The following STK32C variants were observed in gnomAD, a reference collection of about 807,000 sequenced individuals.
STK32C encodes serine/threonine kinase 32C.
STK32C carries 31 observed loss-of-function variants against 56.5 expected under a neutral mutation model. The ratio of observed to expected loss-of-function variants is 0.55; its 90% CI spans 0.41 to 0.74. The LOEUF (loss-of-function observed/expected upper bound fraction) is 0.74, where lower values mean the gene tolerates loss of function less well. Ranked by LOEUF, STK32C falls within the 30% of genes least tolerant of loss-of-function variation. STK32C has a pLI of 0.00. For missense variants in STK32C, 544 were observed against 676.9 expected (o/e 0.80, Z 2.18); for synonymous variants, 309 against 289.4 (o/e 1.07, Z -0.69).
intron 3 of STK32C, among the ~76,000 whole-genome samples, chr10:132,227,648 G>C (rs2062941486): frequency 6.7e-6 from 1 of 150,364 alleles, no homozygotes; most frequent in South Asian, 2.1e-4. Flanking sequence ...ACAGTGGTGA[G>C]TTTTTCAGTC....
At position 132,225,521 on chromosome 10, in the gene STK32C, G is replaced by A. The variant is rs202230396; in HGVS notation, c.772+6C>T. On this transcript the variant is annotated splice_donor_region_variant and intron_variant, in intron 6 of 11. Transcript: ENST00000298630. Reference sequence around the variant, plus strand: ...GCTCCCATCTGGAACCCCAGCTCGGGCTCACCCATGTACGGCTTGGTGCCT... The same window carrying A: ...GCTCCCATCTGGAACCCCAGCTCGGACTCACCCATGTACGGCTTGGTGCCT... 1.1e-5 allele frequency: 17 copies of A among 1,613,776 alleles called. No individual in the cohort carries two copies. The Admixed American group carries it at 2.0e-4, about 19-fold the overall frequency.
chr10:132,290,194 C>T (rs982369019), intron 1 of STK32C, among the ~76,000 whole-genome samples: 1 of 152,210 alleles, frequency 6.6e-6, no homozygotes, highest in Admixed American at 6.5e-5. Flanking sequence ...TGGGCCATGC[C>T]TCCCCGCTGG....
intron 1 of STK32C, among the ~76,000 whole-genome samples, chr10:132,275,333 A>G (rs1169009936): frequency 1.3e-5 from 2 of 152,176 alleles, no homozygotes; most frequent in African/African-American, 4.8e-5. Flanking sequence ...CAACAGTAGC[A>G]AGGCTGGCAG....
In STK32C at chr10:132,280,977, A is replaced by ATGATCACGCCCCTGCACTCCG. The variant is rs1417305830; in HGVS notation, c.262+26574_262+26594dup. Among the ~76,000 whole-genome samples, 220 of 97,318 alleles carry ATGATCACGCCCCTGCACTCCG rather than the reference A, an allele frequency of 2.3e-3. 1 individual carries two copies. The highest frequency in any genetic ancestry group is 8.3e-3 in the African/African-American group (203 of 24,316). The allele number at this position is 97,318 out of a possible 152,430, so 63.8% of individuals were successfully genotyped here. ...CTGACTACGCTGAGGCCTCCATTCCATGATCACGCCCCTGCACTCCGTGAT... is the reference window on the plus strand; with the variant it reads ...CTGACTACGCTGAGGCCTCCATTCCATGATCACGCCCCTGCACTCCGTGATCACGCCCCTGCACTCCGTGAT... On this transcript the variant is annotated intron_variant, in intron 1 of 11. Transcript: ENST00000298630.
chr10:132,269,569 A>G (rs11146295), intron 1 of STK32C, among the ~76,000 whole-genome samples: 31,997 of 152,218 alleles, frequency 0.21, 4,154 homozygotes, highest in Non-Finnish European at 0.31. Flanking sequence ...CTGCTGATGG[A>G]TTGATTTTCC....
chr10:132,332,139 T>G, upstream of STK32C: 1 of 172,598 alleles, frequency 5.8e-6, no homozygotes, highest in Non-Finnish European at 1.2e-5. Flanking sequence ...GCGTGGCGCC[T>G]GCGGGATTCC....
chr10:132,251,466 C>T (rs2063902421), intron 1 of STK32C, among the ~76,000 whole-genome samples: 1 of 152,176 alleles, frequency 6.6e-6, no homozygotes, highest in Non-Finnish European at 1.5e-5. Context: ...ATACACAGAG[C>T]CTACTGTGAA....
intron 1 of STK32C, among the ~76,000 whole-genome samples, chr10:132,282,345 G>A (rs1590382653): frequency 6.6e-6 from 1 of 152,250 alleles, no homozygotes; most frequent in Non-Finnish European, 1.5e-5. Context: ...AGTCCTCTCT[G>A]AGACAGCTCC....
chr10:132,248,012 G>A (rs1285076183), intron 1 of STK32C, among the ~76,000 whole-genome samples: 4 of 152,164 alleles, frequency 2.6e-5, no homozygotes, highest in South Asian at 4.1e-4. Flanking sequence ...CAGCCTCCAC[G>A]AGCCCCCGTT....
intron 6 of STK32C, 35 bp from the exon 7 acceptor site, chr10:132,225,371 G>T: frequency 6.3e-7 from 1 of 1,594,252 alleles, no homozygotes. Context: ...CAGCTGCCAC[G>T]GGGTCACAGC....
At chr10:132,267,335 G>T (rs1337120076) in intron 1 of STK32C, among the ~76,000 whole-genome samples, 1 of 152,078 alleles carries the variant, frequency 6.6e-6, no homozygotes, top group Non-Finnish European at 1.5e-5. Flanking sequence ...TCACACCTAT[G>T]TGTGCGTGTG....
rs1468050989 is a variant in STK32C at position 132,208,047 on chromosome 10, A to G, written c.1424T>C (p.Met475Thr). 6.1e-6 allele frequency: 8 copies of G among 1,311,368 alleles called. No individual in the cohort carries two copies. The East Asian group carries it at 8.4e-5, about 14-fold the overall frequency. 81.2% of individuals were successfully genotyped at this position (1,311,368 alleles called of 1,614,324 possible). Residue 475 changes from methionine to threonine, a missense_variant, in exon 12 of 12, where the codon ATG becomes ACG. Physicochemically the swap from Met to Thr is moderately conservative, Grantham distance 81. Transcript: ENST00000298630. ...EDEAERSALP[M>T]CGPICPSAGS... ...GGCCGAGGGGCAAATGGGGCCGCAC[A>G]TGGGCAGGGCGGAGCGTTCCGCCTC...
intron 7 of STK32C, 145 bp downstream of exon 7, chr10:132,225,088 A>G (rs1287423727): frequency 1.2e-5 from 8 of 654,654 alleles, no homozygotes; most frequent in Non-Finnish European, 1.8e-5. Flanking sequence ...CCAACTACAC[A>G]CTTCGATAAA....
chr10:132,268,436 G>T (rs556122526), intron 1 of STK32C, among the ~76,000 whole-genome samples: 9 of 135,640 alleles, frequency 6.6e-5, no homozygotes, highest in African/African-American at 2.5e-4. Context: ...TGCAGGTGCA[G>T]CTCTATGCCT....
intron 1 of STK32C, among the ~76,000 whole-genome samples, chr10:132,272,971 G>A (rs757828511): frequency 3.9e-5 from 6 of 152,226 alleles, no homozygotes; most frequent in South Asian, 2.1e-4. Context: ...CCCTCTGCCC[G>A]GAGCCCTCTT....
chr10:132,325,107 G>A (rs1443720980), intron 1 of STK32C, among the ~76,000 whole-genome samples: 15 of 152,152 alleles, frequency 9.9e-5, no homozygotes. Flanking sequence ...TTTCTGATGT[G>A]GTTTGGCTGT....
chr10:132,213,841 T>C (rs1352600270), intron 10 of STK32C, among the ~76,000 whole-genome samples: 6 of 152,088 alleles, frequency 3.9e-5, no homozygotes, highest in African/African-American at 1.4e-4. Context: ...CAAAAGGAAA[T>C]GCTGGAAGTA....
chr10:132,224,229 C>T (rs2306979), intron 8 of STK32C, among the ~76,000 whole-genome samples, 178 bp downstream of exon 8: 72 of 152,274 alleles, frequency 4.7e-4, no homozygotes, highest in East Asian at 2.1e-3. Flanking sequence ...GCCACCAGCT[C>T]GCTTCCTGGG....
At chr10:132,281,028 T>C (rs112976163) in intron 1 of STK32C, among the ~76,000 whole-genome samples, 13,940 of 128,724 alleles carry the variant, frequency 0.11, 819 homozygotes, top group East Asian at 0.36. Flanking sequence ...CGTGATCACG[T>C]CCCTGCACTC....
Sources: gnomAD v4.1 joint callset for allele counts (sites outside exome capture counted in the v4.1 genomes callset) on GRCh38, gnomAD v4.1.1 for gene constraint, MANE v1.5 for transcripts, NCBI Gene and HGNC (gene_info 2026-07-23, HGNC 2026-07-21) for gene names.